Variants in THSD7B observed in about 807,000 individuals in gnomAD.
THSD7B encodes thrombospondin type 1 domain containing 7B.
A neutral mutation model predicts 213.6 loss-of-function variants in THSD7B; 138 were observed. The ratio of observed to expected loss-of-function variants is 0.65; its 90% confidence interval spans 0.56 to 0.74. The LOEUF (loss-of-function observed/expected upper bound fraction) is 0.74, where lower values mean the gene tolerates loss of function less well. Among genes scored for constraint, THSD7B ranks in the 30% least tolerant of loss-of-function variants. The probability of loss-of-function intolerance (pLI) is 0.00; values close to 1 mark genes in which losing one functional copy is unlikely to be tolerated. For synonymous variants in THSD7B, 742 were observed against 687.0 expected (o/e 1.08, Z -1.25); for missense variants, 1,931 against 1,991.5 (o/e 0.97, Z 0.58).
intron 10 of THSD7B, among the ~76,000 whole-genome samples, chr2:137,256,760 G>A (rs1682320142): frequency 6.6e-6 from 1 of 152,050 alleles, no homozygotes; most frequent in Admixed American, 6.6e-5. Context: ...GAAAAATTAG[G>A]GGACCATTCA....
chr2:137,407,529 A>G (rs1017115199), intron 13 of THSD7B, among the ~76,000 whole-genome samples: 1 of 152,192 alleles, frequency 6.6e-6, no homozygotes, highest in Non-Finnish European at 1.5e-5. Context: ...ACTTTTCAAG[A>G]CTTATTTTTA....
At chr2:137,230,926 T>C in intron 7 of THSD7B, 118 bp from the exon 8 acceptor site, 1 of 1,004,524 alleles carries the variant, frequency 1.0e-6, no homozygotes, top group Non-Finnish European at 1.4e-6. Context: ...ATGTAAATAT[T>C]GTGAATGGCT....
chr2:136,978,125 C>G lies in THSD7B; in HGVS notation c.140-78295C>G, dbSNP rs562939931. ...TGAATAAGTTTCTTAACCTTGAGTT[C>G]TAATTTAATTGCGCTGTGGTCTAAC... is the stretch of plus-strand genomic sequence containing the variant. On this transcript the variant is annotated intron_variant, in intron 2 of 27. Transcript: ENST00000409968. Among the ~76,000 whole-genome samples the G allele has an allele frequency of 2.2e-4, 34 of 152,146 alleles. 1 individual carries two copies. The highest frequency in any genetic ancestry group is 1.4e-3 in the Admixed American group (22 of 15,268).
intron 7 of THSD7B, among the ~76,000 whole-genome samples, chr2:137,225,316 A>G (rs556735206): frequency 1.8e-4 from 28 of 152,336 alleles, no homozygotes; most frequent in Middle Eastern, 3.4e-3. Flanking sequence ...CAGTTCCAAA[A>G]TAATCAAGGT....
intron 12 of THSD7B, among the ~76,000 whole-genome samples, chr2:137,377,681 T>C (rs1210999665): frequency 6.6e-6 from 1 of 151,776 alleles, no homozygotes; most frequent in Admixed American, 6.6e-5. Context: ...GGCTGGAGTA[T>C]AGTGGTGCGA....
At chr2:136,892,634 A>G (rs1683883084) in intron 2 of THSD7B, among the ~76,000 whole-genome samples, 1 of 151,908 alleles carries the variant, frequency 6.6e-6, no homozygotes, top group Admixed American at 6.6e-5. Context: ...TACTCTTCTC[A>G]AGAATGTCCT....
intron 2 of THSD7B, among the ~76,000 whole-genome samples, chr2:137,012,895 C>T (rs959177207): frequency 6.6e-6 from 1 of 152,172 alleles, no homozygotes; most frequent in Non-Finnish European, 1.5e-5. Context: ...TGTCTCTGGA[C>T]AACTGGACAG....
intron 5 of THSD7B, among the ~76,000 whole-genome samples, chr2:137,142,589 A>T (rs1262811855): frequency 2.0e-5 from 3 of 152,096 alleles, no homozygotes; most frequent in Non-Finnish European, 2.9e-5. Context: ...ATATTATCAA[A>T]TTTTTTGGAC....
intron 7 of THSD7B, among the ~76,000 whole-genome samples, chr2:137,217,367 A>G (rs1034348215): frequency 1.3e-5 from 2 of 152,204 alleles, no homozygotes; most frequent in African/African-American, 4.8e-5. Flanking sequence ...CATTATTATT[A>G]CCAACACATA....
chr2:137,115,317 A>G (rs1366280858), intron 5 of THSD7B, 24 bp downstream of exon 5: 4 of 1,518,114 alleles, frequency 2.6e-6, no homozygotes, highest in East Asian at 2.4e-5. Context: ...TCCGGGACAG[A>G]TGGTGCACTG....
At chr2:137,555,708 G>A (rs1302045193) in intron 15 of THSD7B, among the ~76,000 whole-genome samples, 5 of 152,174 alleles carry the variant, frequency 3.3e-5, no homozygotes, top group Non-Finnish European at 7.3e-5. Context: ...ACCTTAATGA[G>A]TTGAGAGAAG....
chr2:137,524,497 T>A (rs1325890269), intron 15 of THSD7B, among the ~76,000 whole-genome samples: 2 of 152,154 alleles, frequency 1.3e-5, no homozygotes, highest in Admixed American at 1.3e-4. Context: ...GAGAGAAATA[T>A]CTGCATTTTT....
At chr2:137,307,997 T>G (rs1439689336) in intron 12 of THSD7B, among the ~76,000 whole-genome samples, 1 of 151,944 alleles carries the variant, frequency 6.6e-6, no homozygotes. Context: ...AGGGCAACCA[T>G]TTTCTACCAT....
chr2:136,782,242 G>A (rs1413979666), intron 1 of THSD7B, among the ~76,000 whole-genome samples: 2 of 152,118 alleles, frequency 1.3e-5, no homozygotes, highest in Non-Finnish European at 2.9e-5. Flanking sequence ...CGCCAGAAGA[G>A]GTGTGCGCTT....
chr2:137,219,527 A>G (rs1268011731), intron 7 of THSD7B, among the ~76,000 whole-genome samples: 1 of 152,168 alleles, frequency 6.6e-6, no homozygotes, highest in African/African-American at 2.4e-5. Context: ...TGCTTTTTGC[A>G]TACTTTATTC....
At chr2:136,979,819 G>A (rs1408696284) in intron 2 of THSD7B, among the ~76,000 whole-genome samples, 1 of 152,140 alleles carries the variant, frequency 6.6e-6, no homozygotes, top group Non-Finnish European at 1.5e-5. Context: ...CTGAAGAGGT[G>A]TTGTGATCAT....
At chr2:137,521,383 C>T (rs1418983731) in intron 15 of THSD7B, among the ~76,000 whole-genome samples, 2 of 152,036 alleles carry the variant, frequency 1.3e-5, no homozygotes, top group African/African-American at 4.8e-5. Context: ...TTAAATGAAG[C>T]TTGTACACTC....
chr2:136,782,391 C>A (rs367728932), intron 1 of THSD7B, among the ~76,000 whole-genome samples: 9 of 152,130 alleles, frequency 5.9e-5, no homozygotes, highest in African/African-American at 2.2e-4. Flanking sequence ...TAACTAAGCT[C>A]TGAATTGTTT....
chr2:136,900,651 A>C (rs973988391), intron 2 of THSD7B, among the ~76,000 whole-genome samples: 1 of 152,186 alleles, frequency 6.6e-6, no homozygotes, highest in African/African-American at 2.4e-5. Context: ...TCCAGGGAGC[A>C]CTATTTTGCA....
Sources: gnomAD v4.1 joint callset for allele counts (sites outside exome capture counted in the v4.1 genomes callset) on GRCh38, gnomAD v4.1.1 for gene constraint, MANE v1.5 for transcripts, NCBI Gene and HGNC (gene_info 2026-07-23, HGNC 2026-07-21) for gene names.